The following NBAS variants were observed in gnomAD, a reference collection of about 807,000 sequenced individuals.
NBAS encodes the protein NAG/BC035112 fusion.
In NBAS, 219 loss-of-function variants were observed where a neutral mutation model predicts 302.5. That is an observed-to-expected ratio of 0.72 (90% CI 0.65 to 0.81). The LOEUF (loss-of-function observed/expected upper bound fraction) is 0.81. NBAS is among the 30% of genes least tolerant of loss of function. The pLI, the probability that NBAS is intolerant of heterozygous loss-of-function variation, is 0.00. For synonymous variants in NBAS, 1,118 were observed against 1,021.6 expected, an observed-to-expected ratio of 1.09 and a Z score of -1.80; for missense variants, 2,932 against 2,841.6, an observed-to-expected ratio of 1.03 and a Z score of -0.72.
chr2:14,909,991 A>T, the NBAS span, among the ~76,000 whole-genome samples: 1 of 152,166 alleles, frequency 6.6e-6, no homozygotes, highest in African/African-American at 2.4e-5. Flanking sequence ...AAACAGGTGC[A>T]TTTGCCTGAG....
At chr2:15,427,229 G>A (rs904074364) in intron 22 of NBAS, among the ~76,000 whole-genome samples, 1 of 151,966 alleles carries the variant, frequency 6.6e-6, no homozygotes. Context: ...GTATTTACCC[G>A]ACTTTGAGGA....
At chr2:14,819,526 T>C in the NBAS span, among the ~76,000 whole-genome samples, 5 of 152,178 alleles carry the variant, frequency 3.3e-5, no homozygotes, top group South Asian at 6.2e-4. Flanking sequence ...GTATAGATCA[T>C]GGAAAAGCAT....
chr2:15,392,200 A>G (rs1675640855), intron 28 of NBAS, among the ~76,000 whole-genome samples: 1 of 151,874 alleles, frequency 6.6e-6, no homozygotes, highest in Non-Finnish European at 1.5e-5. Context: ...AAATAATAAT[A>G]CAATGCAAAG....
the NBAS span, among the ~76,000 whole-genome samples, chr2:14,843,774 A>T: frequency 7.2e-5 from 11 of 152,116 alleles, no homozygotes; most frequent in Admixed American, 7.2e-4. Context: ...AGAGCACAGG[A>T]ATTGTGAGAT....
At chr2:15,296,771 C>G (rs1462471666) in intron 40 of NBAS, among the ~76,000 whole-genome samples, 1 of 151,990 alleles carries the variant, frequency 6.6e-6, no homozygotes, top group Admixed American at 6.5e-5. Flanking sequence ...CTCAGGAGTT[C>G]AAGCTGCAGT....
rs1662143119 is a variant in NBAS at position 15,511,477 on chromosome 2, GA to G, written c.747-128del. 7.4e-6 allele frequency: 6 copies of G among 813,664 alleles called. No individual in the cohort carries two copies. In the Admixed American group the frequency reaches 1.6e-4, roughly 22 times the overall value. The allele number at this position is 813,664 out of a possible 1,614,324, so 50.4% of individuals were successfully genotyped here. A position where few individuals can be genotyped will look rare whatever the true frequency, so the allele number is the denominator to read the frequency against. The stretch of plus-strand genomic sequence containing the variant: ...GTACTATTAATATATGTTAAACCTA[GA>G]AGGTAAATATTTCAGAGGAAACAAT... On this transcript the variant is annotated intron_variant, in intron 9 of 51. Coordinates refer to ENST00000281513, the MANE Select transcript of NBAS (RefSeq NM_015909.4).
intron 45 of NBAS, among the ~76,000 whole-genome samples, chr2:15,236,897 A>C (rs1013724589): frequency 9.2e-5 from 14 of 152,196 alleles, no homozygotes; most frequent in African/African-American, 3.1e-4. Flanking sequence ...TTTCTTTCAA[A>C]ATTTTAAGTT....
the NBAS span, among the ~76,000 whole-genome samples, chr2:15,013,388 T>C: frequency 6.6e-6 from 1 of 152,178 alleles, no homozygotes; most frequent in South Asian, 2.1e-4. Flanking sequence ...GGAAAGAGAA[T>C]ATACAAAATA....
intron 47 of NBAS, among the ~76,000 whole-genome samples, chr2:15,230,915 G>A (rs1329410868): frequency 2.6e-5 from 4 of 152,148 alleles, no homozygotes; most frequent in Non-Finnish European, 5.9e-5. Flanking sequence ...CCTCAGCCTG[G>A]AATTACCATC....
chr2:14,798,919 T>G, the NBAS span, among the ~76,000 whole-genome samples: 5 of 152,086 alleles, frequency 3.3e-5, no homozygotes, highest in Non-Finnish European at 7.4e-5. Flanking sequence ...TGTCATATAT[T>G]TCATTCCTGA....
chr2:14,782,719 A>G, the NBAS span, among the ~76,000 whole-genome samples: 181 of 152,344 alleles, frequency 1.2e-3, no homozygotes, highest in South Asian at 1.9e-3. Flanking sequence ...ATGCCCACCA[A>G]TGTTAGACAA....
chr2:14,837,796 T>A, the NBAS span, among the ~76,000 whole-genome samples: 2 of 151,810 alleles, frequency 1.3e-5, no homozygotes, highest in Non-Finnish European at 3.0e-5. Flanking sequence ...ATTTACCATA[T>A]TCCTTGTATT....
chr2:15,091,892 G>A, the NBAS span, among the ~76,000 whole-genome samples: 2 of 152,076 alleles, frequency 1.3e-5, no homozygotes, highest in South Asian at 2.1e-4. Flanking sequence ...GTAAGGATAC[G>A]GTATATAATA....
the NBAS span, among the ~76,000 whole-genome samples, chr2:14,932,999 G>C: frequency 6.6e-6 from 1 of 152,178 alleles, no homozygotes; most frequent in African/African-American, 2.4e-5. Context: ...GACGAAAGAA[G>C]GACGTTTCTA....
At chr2:15,043,041 G>T in the NBAS span, among the ~76,000 whole-genome samples, 1 of 152,146 alleles carries the variant, frequency 6.6e-6, no homozygotes, top group Admixed American at 6.5e-5. Context: ...GGTCACATTT[G>T]GTTCATGAGC....
intron 4 of NBAS, 62 bp downstream of exon 4, chr2:15,553,999 G>C (rs1317898949): frequency 1.4e-6 from 2 of 1,405,322 alleles, no homozygotes; most frequent in African/African-American, 1.4e-5. Flanking sequence ...CAAAATTAAC[G>C]TCCATAATGA....
At chr2:15,377,292 C>A (rs1267426361) in intron 30 of NBAS, among the ~76,000 whole-genome samples, 1 of 152,086 alleles carries the variant, frequency 6.6e-6, no homozygotes, top group African/African-American at 2.4e-5. Flanking sequence ...AGCTGTTCAA[C>A]AGACAAACAC....
chr2:15,312,172 T>C (rs1230572534), intron 38 of NBAS, among the ~76,000 whole-genome samples: 2 of 152,272 alleles, frequency 1.3e-5, no homozygotes, highest in East Asian at 3.8e-4. Flanking sequence ...CACCAGATCT[T>C]CGTCCTTGAT....
the NBAS span, among the ~76,000 whole-genome samples, chr2:15,143,811 C>T: frequency 2.6e-5 from 4 of 151,886 alleles, no homozygotes; most frequent in Non-Finnish European, 5.9e-5. Flanking sequence ...TAATCAGCTG[C>T]CAGCATGGCT....
Sources: gnomAD v4.1 joint callset for allele counts (sites outside exome capture counted in the v4.1 genomes callset) on GRCh38, gnomAD v4.1.1 for gene constraint, MANE v1.5 for transcripts, NCBI Gene and HGNC (gene_info 2026-07-23, HGNC 2026-07-21) for gene names.